Variants in NFAT5 observed in about 807,000 individuals in gnomAD.
NFAT5 encodes nuclear factor of activated T cells 5.
A neutral mutation model predicts 166.5 loss-of-function variants in NFAT5; 31 were observed. That is an observed-to-expected ratio of 0.19 (90% CI 0.14 to 0.25). The LOEUF (loss-of-function observed/expected upper bound fraction) is 0.25, where lower values mean the gene tolerates loss of function less well. NFAT5 is among the 10% of genes least tolerant of loss of function. The pLI is 1.00. For missense variants in NFAT5, 1,449 were observed against 1,821.8 expected (o/e 0.80, Z 3.72); for synonymous variants, 612 against 639.7 (o/e 0.96, Z 0.65).
intron 2 of NFAT5, among the ~76,000 whole-genome samples, chr16:69,587,146 G>A (rs1273809262): frequency 6.6e-6 from 1 of 151,920 alleles, no homozygotes; most frequent in Admixed American, 6.6e-5. Context: ...GCAGTGGCGC[G>A]ATCTCGGCTC....
intron 2 of NFAT5, among the ~76,000 whole-genome samples, chr16:69,602,508 TC>T (rs2151543080): frequency 6.6e-6 from 1 of 152,106 alleles, no homozygotes; most frequent in South Asian, 2.1e-4. Flanking sequence ...CCTCAGGTGA[TC>T]CGCCACCTCA....
intron 5 of NFAT5, among the ~76,000 whole-genome samples, chr16:69,655,058 A>G (rs867115560): frequency 2.0e-5 from 3 of 152,224 alleles, no homozygotes; most frequent in Admixed American, 6.5e-5. Flanking sequence ...CGTTTGAACT[A>G]GCAGTCTCTC....
At chr16:69,595,513 C>G (rs1436926219) in intron 2 of NFAT5, among the ~76,000 whole-genome samples, 1 of 152,164 alleles carries the variant, frequency 6.6e-6, no homozygotes, top group Non-Finnish European at 1.5e-5. Context: ...CTTTCACCTA[C>G]AAATTTAATG....
Position 69,702,166 on chromosome 16 carries a change from A to C in NFAT5, c.*5815A>C, listed in dbSNP as rs2037908995. The C allele has an allele frequency of 6.5e-6, 1 of 152,682 alleles. No individual in the cohort carries two copies. 9.5% of individuals were successfully genotyped at this position (152,682 alleles called of 1,614,324 possible). A position where few individuals can be genotyped will look rare whatever the true frequency, so the allele number is the denominator to read the frequency against. ...TCTTAATACCCTATTGATATTATGC[A>C]CTTTAATCATTCCAAAGAAGCCAAG... On this transcript the variant is annotated 3_prime_UTR_variant, in exon 15 of 15. Coordinates refer to ENST00000349945, the MANE Select transcript of NFAT5 (RefSeq NM_138713.4).
chr16:69,581,298 C>G (rs1383697929), intron 2 of NFAT5, among the ~76,000 whole-genome samples: 4 of 152,020 alleles, frequency 2.6e-5, no homozygotes, highest in Non-Finnish European at 5.9e-5. Context: ...GAATAGTATT[C>G]CATTTTATGG....
At chr16:69,645,063 C>T (rs2035379754) in intron 3 of NFAT5, among the ~76,000 whole-genome samples, 1 of 152,058 alleles carries the variant, frequency 6.6e-6, no homozygotes, top group South Asian at 2.1e-4. Context: ...AGATGTAATA[C>T]CTTTTCTATT....
At chr16:69,660,427 C>CA (rs555740063) in intron 7 of NFAT5, among the ~76,000 whole-genome samples, 57 of 150,172 alleles carry the variant, frequency 3.8e-4, no homozygotes, top group African/African-American at 9.5e-4. Context: ...GCGACTGTCT[C>CA]AAAAAAAAAG....
chr16:69,637,181 T>A (rs2035004593), intron 3 of NFAT5, among the ~76,000 whole-genome samples: 1 of 152,212 alleles, frequency 6.6e-6, no homozygotes, highest in African/African-American at 2.4e-5. Context: ...TACTCCAGTT[T>A]CCAACAAGTT....
intron 2 of NFAT5, among the ~76,000 whole-genome samples, chr16:69,569,034 A>G (rs1203455459): frequency 6.6e-6 from 1 of 152,224 alleles, no homozygotes; most frequent in Admixed American, 6.5e-5. Context: ...AAGCCAAGTA[A>G]TAGCGATGAT....
intron 3 of NFAT5, among the ~76,000 whole-genome samples, chr16:69,645,716 A>C (rs2035410916): frequency 6.6e-6 from 1 of 152,222 alleles, no homozygotes; most frequent in South Asian, 2.1e-4. Flanking sequence ...CATAGATACA[A>C]ATTAATTTTA....
intron 9 of NFAT5, among the ~76,000 whole-genome samples, chr16:69,670,583 C>T (rs1457820095): frequency 1.3e-5 from 2 of 152,086 alleles, no homozygotes; most frequent in Non-Finnish European, 1.5e-5. Context: ...AATCTTAATC[C>T]ACTATATAGT....
Position 69,566,522 on chromosome 16 carries a change from G to A in NFAT5, c.73+148G>A, listed in dbSNP as rs936979576. On this transcript the variant is annotated intron_variant, in intron 1 of 14. Coordinates refer to ENST00000349945, the MANE Select transcript of NFAT5 (RefSeq NM_138713.4). This position sits in a 1 kb window ranked among gnomAD's most constrained non-coding sequence, Gnocchi z 5.7. ...TCTTTGGCCGGAGCGGGCAGAGGCC[G>A]AAGGGATCGGGGTGACGGTGGAGGG... 2 of 721,390 alleles carry A rather than the reference G, an allele frequency of 2.8e-6. No homozygotes were observed. Among genetic ancestry groups the A allele is most frequent in the African/African-American group, 3.5e-5 (2 of 56,472 alleles). 44.7% of individuals were successfully genotyped at this position (721,390 alleles called of 1,614,324 possible).
intron 2 of NFAT5, among the ~76,000 whole-genome samples, chr16:69,597,455 T>A (rs1245624514): frequency 2.6e-5 from 4 of 152,220 alleles, no homozygotes; most frequent in African/African-American, 7.2e-5. Flanking sequence ...AGTGCACTGT[T>A]CATCATGGTG....
rs2037568706 is a variant in NFAT5, at chr16:69,692,045, A to G, written c.2220A>G (p.Leu740=). 6.2e-6 allele frequency: 10 copies of G among 1,614,088 alleles called. No homozygotes were observed. Among genetic ancestry groups the G allele is most frequent in the Non-Finnish European group, 8.5e-6 (10 of 1,180,050 alleles). ...GAGAAACTCAGTCTAGAGAGATATTACAGTCAGATGGTACAGTGGTTAATT... is the reference window on the plus strand; with the variant it reads ...GAGAAACTCAGTCTAGAGAGATATTGCAGTCAGATGGTACAGTGGTTAATT... The part of the protein sequence containing the change: ...QTRETQSREI[L]QSDGTVVNLS... The change falls in exon 13 of 15, where the codon TTA becomes TTG. Residue 740 remains leucine (L), a synonymous_variant. Coordinates refer to ENST00000349945, the MANE Select transcript of NFAT5 (RefSeq NM_138713.4).
chr16:69,630,879 G>A (rs920029444), intron 3 of NFAT5, among the ~76,000 whole-genome samples: 1 of 152,090 alleles, frequency 6.6e-6, no homozygotes, highest in Non-Finnish European at 1.5e-5. Flanking sequence ...TTCACCTGCT[G>A]TATAATCAAA....
chr16:69,584,170 G>T (rs1470694636), intron 2 of NFAT5, among the ~76,000 whole-genome samples: 1 of 152,246 alleles, frequency 6.6e-6, no homozygotes, highest in East Asian at 1.9e-4. Context: ...AAGTTGCAGG[G>T]AGCTGAGATC....
chr16:69,593,989 G>A (rs979580427), intron 2 of NFAT5, among the ~76,000 whole-genome samples: 1 of 152,178 alleles, frequency 6.6e-6, no homozygotes, highest in African/African-American at 2.4e-5. Context: ...GTGCTTGTTA[G>A]TTGAAACTGC....
chr16:69,566,379 G>T lies in NFAT5; in HGVS notation c.73+5G>T. On this transcript the variant is annotated splice_donor_5th_base_variant and intron_variant, in intron 1 of 14. Coordinates refer to ENST00000349945, the MANE Select transcript of NFAT5 (RefSeq NM_138713.4). The surrounding 1 kb of genome is among the most constrained non-coding windows in gnomAD (Gnocchi z 5.7). ...CCAAGTCCCTCTACTCGCGAGGTGA[G>T]TCAGGCTGTGGGGGGTGGGGCGTGG... is the stretch of plus-strand genomic sequence containing the variant. The T allele has an allele frequency of 6.4e-7, 1 of 1,559,178 alleles. No individual in the cohort carries two copies. The highest frequency in any genetic ancestry group is 8.8e-7 in the Non-Finnish European group (1 of 1,137,762).
intron 2 of NFAT5, among the ~76,000 whole-genome samples, chr16:69,579,728 A>G (rs545293256): frequency 6.6e-6 from 1 of 152,222 alleles, no homozygotes; most frequent in Non-Finnish European, 1.5e-5. Flanking sequence ...AAATTAAAAA[A>G]TGGTAAAGAT....
Sources: gnomAD v4.1 joint callset for allele counts (sites outside exome capture counted in the v4.1 genomes callset) on GRCh38, gnomAD v4.1.1 for gene constraint, Gnocchi (gnomAD v3.1) non-coding constraint, MANE v1.5 for transcripts, NCBI Gene and HGNC (gene_info 2026-07-23, HGNC 2026-07-21) for gene names.